The following BCKDHB variants were observed in gnomAD, a reference collection of about 807,000 sequenced individuals.
The protein encoded by BCKDHB is branched chain keto acid dehydrogenase E1 subunit beta.
BCKDHB carries 41 observed loss-of-function variants against 48.5 expected under a neutral mutation model. The observed-to-expected ratio is 0.85, with a 90% CI of 0.66 to 1.10. The LOEUF (loss-of-function observed/expected upper bound fraction) is 1.10. Ranked by LOEUF, BCKDHB falls within the 50% of genes least tolerant of loss-of-function variation. The probability of loss-of-function intolerance (pLI) is 0.00; values close to 1 mark genes in which losing one functional copy is unlikely to be tolerated. For synonymous variants in BCKDHB, 201 were observed against 174.8 expected, an observed-to-expected ratio of 1.15 and a Z score of -1.18; for missense variants, 496 against 494.2, an observed-to-expected ratio of 1.00 and a Z score of -0.03.
At chr6:80,145,248 C>G (rs1771424381) in intron 3 of BCKDHB, among the ~76,000 whole-genome samples, 1 of 152,148 alleles carries the variant, frequency 6.6e-6, no homozygotes, top group South Asian at 2.1e-4. Flanking sequence ...AGGGTCTTGC[C>G]TTGCCTGTCC....
chr6:80,201,630 C>T (rs763874334), intron 7 of BCKDHB, among the ~76,000 whole-genome samples: 76 of 152,156 alleles, frequency 5.0e-4, no homozygotes, highest in Non-Finnish European at 9.1e-4. Context: ...TTGCTGCTCA[C>T]GTGGACCCAT....
At position 80,134,462 on chromosome 6, in the gene BCKDHB, T is replaced by C. The variant is rs140586819; in HGVS notation, c.343+5233T>C. Among the ~76,000 whole-genome samples, 264 of 152,244 alleles carry C rather than the reference T, an allele frequency of 1.7e-3. 1 individual carries two copies. The highest frequency in any genetic ancestry group is 6.0e-3 in the African/African-American group (250 of 41,532). On this transcript the variant is annotated intron_variant, in intron 3 of 9. Coordinates refer to ENST00000320393, the MANE Select transcript of BCKDHB (RefSeq NM_183050.4). ...AAGGCAAGTTTTTGTCTATAATATA[T>C]CAATATTTGGGAGTTGACTTTGGGC...
chr6:80,255,965 G>A (rs1777032352), intron 8 of BCKDHB, among the ~76,000 whole-genome samples: 2 of 152,162 alleles, frequency 1.3e-5, no homozygotes, highest in Admixed American at 6.5e-5. Context: ...CATTAGCGAA[G>A]TGATTTGTGC....
At chr6:80,224,557 T>C (rs780606954) in intron 8 of BCKDHB, among the ~76,000 whole-genome samples, 6 of 152,108 alleles carry the variant, frequency 3.9e-5, no homozygotes, top group Non-Finnish European at 5.9e-5. Context: ...CACACCCAGC[T>C]AATTTTGTAT....
In BCKDHB at chr6:80,108,917, A is replaced by C. The variant is rs552241060; in HGVS notation, c.196+2028A>C. 2.6e-5 allele frequency among the ~76,000 whole-genome samples: 4 copies of C among 152,332 alleles called. No homozygotes were observed. The South Asian group carries it at 8.3e-4, about 32-fold the overall frequency. ...ACCACCCACTGCAGTAAATATTGCT[A>C]ACATTTTGGGTGTATCCTTACAGGT... On this transcript the variant is annotated intron_variant, in intron 1 of 9. Coordinates refer to ENST00000320393, the MANE Select transcript of BCKDHB (RefSeq NM_183050.4).
At chr6:80,442,252 G>A in the BCKDHB span, among the ~76,000 whole-genome samples, 2,449 of 152,148 alleles carry the variant, frequency 0.016, 78 homozygotes, top group African/African-American at 0.055. Context: ...ATTATACTTG[G>A]CTAATATAGT....
At chr6:80,171,251 A>G (rs764319105) in intron 5 of BCKDHB, 31 bp from the exon 6 acceptor site, 1 of 1,375,126 alleles carries the variant, frequency 7.3e-7, no homozygotes, top group Non-Finnish European at 1.0e-6. Context: ...TATTTTTACT[A>G]AAATTGTCTT....
chr6:80,186,294 T>A lies in BCKDHB; in HGVS notation c.743-14640T>A, dbSNP rs1301262411. Among the ~76,000 whole-genome samples the A allele has an allele frequency of 1.3e-5, 2 of 151,990 alleles. 1 individual carries two copies. Among genetic ancestry groups the A allele is most frequent in the South Asian group, 4.2e-4 (2 of 4,816 alleles). On this transcript the variant is annotated intron_variant, in intron 6 of 9. Transcript: ENST00000320393. ...TTGCCGAGGCCACTGTGGGTGATGT[T>A]CCGGGGCATTACAGCTGCCTCTGCT...
At chr6:80,262,146 G>A (rs1033933415) in intron 8 of BCKDHB, among the ~76,000 whole-genome samples, 5 of 152,206 alleles carry the variant, frequency 3.3e-5, no homozygotes, top group African/African-American at 1.2e-4. Context: ...CACACTGAAG[G>A]GCCTGCAGAG....
chr6:80,131,142 C>T lies in BCKDHB; in HGVS notation c.343+1913C>T, dbSNP rs187641327. Among the ~76,000 whole-genome samples the T allele has an allele frequency of 7.2e-5, 11 of 152,282 alleles. No individual in the cohort carries two copies. The East Asian group carries it at 2.1e-3, about 29-fold the overall frequency. On this transcript the variant is annotated intron_variant, in intron 3 of 9. Transcript: ENST00000320393. The stretch of plus-strand genomic sequence containing the variant: ...TTCTGTCTGGGGCATTTTATCGATG[C>T]CATCTGCTGCTCATACACTGGTGAC...
At chr6:80,431,134 G>T in the BCKDHB span, among the ~76,000 whole-genome samples, 1 of 152,176 alleles carries the variant, frequency 6.6e-6, no homozygotes, top group Admixed American at 6.5e-5. Context: ...GTGGTTTTGA[G>T]GGAGTTTCTT....
At chr6:80,279,842 A>G (rs1328854109) in intron 9 of BCKDHB, among the ~76,000 whole-genome samples, 1 of 152,200 alleles carries the variant, frequency 6.6e-6, no homozygotes, top group Non-Finnish European at 1.5e-5. Flanking sequence ...GATGATAAAC[A>G]GGTAGTTATA....
chr6:80,400,400 A>G, the BCKDHB span, among the ~76,000 whole-genome samples: 1 of 152,106 alleles, frequency 6.6e-6, no homozygotes, highest in East Asian at 1.9e-4. Context: ...CCCATTACAA[A>G]GTGGGCAACA....
At chr6:80,222,466 C>T (rs559580946) in intron 8 of BCKDHB, among the ~76,000 whole-genome samples, 1 of 152,266 alleles carries the variant, frequency 6.6e-6, no homozygotes, top group East Asian at 1.9e-4. Flanking sequence ...AAGAAAGACT[C>T]ATTGCAAAAA....
the BCKDHB span, among the ~76,000 whole-genome samples, chr6:80,397,805 GGAGGCAGAGTTTGCA>G: frequency 1.3e-5 from 2 of 152,066 alleles, no homozygotes; most frequent in Non-Finnish European, 2.9e-5. Context: ...CTTGAACCTG[GGAGGCAGAGTTTGCA>G]GTGAGCTGAG....
intron 8 of BCKDHB, among the ~76,000 whole-genome samples, chr6:80,255,832 A>G (rs1342096777): frequency 6.6e-6 from 1 of 152,210 alleles, no homozygotes; most frequent in African/African-American, 2.4e-5. Context: ...ACTAGAGAAA[A>G]TATGAAGGAC....
At chr6:80,164,863 T>C (rs1043453691) in intron 3 of BCKDHB, among the ~76,000 whole-genome samples, 3 of 152,192 alleles carry the variant, frequency 2.0e-5, no homozygotes, top group Admixed American at 6.5e-5. Context: ...CATTATAAGA[T>C]AGAGGAAGTC....
chr6:80,375,653 A>C, the BCKDHB span, among the ~76,000 whole-genome samples: 8 of 152,004 alleles, frequency 5.3e-5, no homozygotes, highest in Non-Finnish European at 1.2e-4. Flanking sequence ...CTTTCTGGCA[A>C]TTCAGGGATT....
At chr6:80,128,999 C>G (rs540457216) in intron 2 of BCKDHB, among the ~76,000 whole-genome samples, 162 bp from the exon 3 acceptor site, 1 of 151,842 alleles carries the variant, frequency 6.6e-6, no homozygotes, top group Non-Finnish European at 1.5e-5. Context: ...ATCATCTAGT[C>G]TAAAATGTCA....
Sources: gnomAD v4.1 joint callset for allele counts (sites outside exome capture counted in the v4.1 genomes callset) on GRCh38, gnomAD v4.1.1 for gene constraint, MANE v1.5 for transcripts, NCBI Gene and HGNC (gene_info 2026-07-23, HGNC 2026-07-21) for gene names.